ZFP1: variants seen among roughly 807,000 people sequenced by gnomAD.
ZFP1 encodes ZFP1 zinc finger protein.
Under a neutral mutation model 38.5 loss-of-function variants are expected in ZFP1, and 32 were observed. The ratio of observed to expected loss-of-function variants is 0.83; its 90% CI spans 0.63 to 1.12. ZFP1 has a LOEUF of 1.12. Among genes scored for constraint, ZFP1 ranks in the 50% most tolerant of loss-of-function variants. The probability of loss-of-function intolerance (pLI) is 0.00; values close to 1 mark genes in which losing one functional copy is unlikely to be tolerated. For synonymous variants in ZFP1, 245 were observed against 168.8 expected, an observed-to-expected ratio of 1.45 and a Z score of -3.50; for missense variants, 616 against 480.8, an observed-to-expected ratio of 1.28 and a Z score of -2.63.
At chr16:75,123,455 G>GTGTA in the ZFP1 span, among the ~76,000 whole-genome samples, 12 of 87,292 alleles carry the variant, frequency 1.4e-4, no homozygotes, top group Non-Finnish European at 1.5e-4. Context: ...GTGTGTATAT[G>GTGTA]TATATATATA....
intron 1 of ZFP1, among the ~76,000 whole-genome samples, chr16:75,150,926 C>T (rs1418051784): frequency 6.6e-6 from 1 of 152,180 alleles, no homozygotes; most frequent in Non-Finnish European, 1.5e-5. Context: ...TTTGCCTCAG[C>T]CTCCCGAGTA....
the ZFP1 span, among the ~76,000 whole-genome samples, chr16:75,136,348 T>C: frequency 2.6e-5 from 4 of 152,324 alleles, no homozygotes; most frequent in Non-Finnish European, 4.4e-5. Context: ...AGTTGTTTTT[T>C]GCAGGGATAC....
rs994746264 is a variant in ZFP1 at position 75,170,568 on chromosome 16, T to G, written c.*234T>G. The G allele has an allele frequency of 1.2e-5, 6 of 493,878 alleles. No individual in the cohort carries two copies. Among genetic ancestry groups the G allele is most frequent in the African/African-American group, 3.9e-5 (2 of 51,654 alleles). The allele number at this position is 493,878 out of a possible 1,614,324, so 30.6% of individuals were successfully genotyped here. A position where few individuals can be genotyped will look rare whatever the true frequency, so the allele number is the denominator to read the frequency against. ...AGTTGTAAATAGCCATACCCAGTTGTACTACAATGAGCTTTTTAAAATCTT... is the reference window on the plus strand; with the variant it reads ...AGTTGTAAATAGCCATACCCAGTTGGACTACAATGAGCTTTTTAAAATCTT... On this transcript the variant is annotated 3_prime_UTR_variant, in exon 4 of 4. Transcript: ENST00000570010.
chr16:75,123,268 C>A, the ZFP1 span, among the ~76,000 whole-genome samples: 1 of 151,076 alleles, frequency 6.6e-6, no homozygotes, highest in Non-Finnish European at 1.5e-5. Context: ...GCAGGAGAAT[C>A]ACTTGAACCC....
intron 2 of ZFP1, among the ~76,000 whole-genome samples, chr16:75,162,344 G>T (rs903210230): frequency 7.9e-5 from 12 of 151,602 alleles, no homozygotes; most frequent in African/African-American, 2.9e-4. Context: ...GACTGGTCTT[G>T]AACTCCTGAC....
the ZFP1 span, chr16:75,132,639 T>C: frequency 2.1e-5 from 3 of 145,754 alleles, no homozygotes; most frequent in Non-Finnish European, 4.5e-5. Context: ...CAATTGTCTA[T>C]TTCATTTCAT....
the ZFP1 span, among the ~76,000 whole-genome samples, chr16:75,123,138 G>A: frequency 2.6e-5 from 4 of 151,838 alleles, no homozygotes; most frequent in Admixed American, 2.0e-4. Flanking sequence ...TGGATCACGT[G>A]AGGTCAGAAG....
At chr16:75,146,467 G>T (rs1048128330), upstream of ZFP1, among the ~76,000 whole-genome samples, 1 of 151,038 alleles carries the variant, frequency 6.6e-6, no homozygotes, top group Admixed American at 6.6e-5. Flanking sequence ...GCACCCGGCC[G>T]CAACCATACG....
At chr16:75,157,700 T>C (rs2037538992) in intron 2 of ZFP1, among the ~76,000 whole-genome samples, 1 of 152,206 alleles carries the variant, frequency 6.6e-6, no homozygotes, top group Non-Finnish European at 1.5e-5. Flanking sequence ...GTCTTCCTGA[T>C]GGACTTATCC....
At chr16:75,165,171 T>C (rs2038000307) in intron 2 of ZFP1, among the ~76,000 whole-genome samples, 1 of 152,126 alleles carries the variant, frequency 6.6e-6, no homozygotes. Context: ...ATGCCTGTTT[T>C]TGTGGTATGA....
intron 2 of ZFP1, among the ~76,000 whole-genome samples, chr16:75,160,407 C>G (rs2037705320): frequency 6.6e-6 from 1 of 151,944 alleles, no homozygotes. Context: ...GTACTAAACC[C>G]CATCTGTACT....
At chr16:75,124,878 T>TTG in the ZFP1 span, among the ~76,000 whole-genome samples, 1 of 150,642 alleles carries the variant, frequency 6.6e-6, no homozygotes, top group Non-Finnish European at 1.5e-5. Context: ...TTTTTTTTTT[T>TTG]GGTAAGAAAG....
At chr16:75,139,368 C>CAAAAAAAA in the ZFP1 span, among the ~76,000 whole-genome samples, 3 of 42,774 alleles carry the variant, frequency 7.0e-5, 1 homozygote, top group Non-Finnish European at 1.1e-4. Context: ...GACTCCATCT[C>CAAAAAAAA]AAAAAAAAAA....
At chr16:75,156,121 G>A (rs1377567039) in intron 2 of ZFP1, among the ~76,000 whole-genome samples, 1 of 152,174 alleles carries the variant, frequency 6.6e-6, no homozygotes, top group African/African-American at 2.4e-5. Context: ...GCAACACCAA[G>A]CAAATTTAGC....
In ZFP1 at chr16:75,169,715, A is replaced by G; in HGVS notation, c.605A>G (p.His202Arg). The change falls in exon 4 of 4, where the codon CAT (histidine) becomes CGT (arginine). Residue 202 changes from histidine to arginine, a missense_variant. Coordinates refer to ENST00000570010, the MANE Select transcript of ZFP1 (RefSeq NM_153688.4). ...TCCTTTAAGTCACTCCTCATTAGTCATAAGAGAATACATACTGGAGAAAAG... is the reference window on the plus strand; with the variant it reads ...TCCTTTAAGTCACTCCTCATTAGTCGTAAGAGAATACATACTGGAGAAAAG... Reference protein sequence around the residue: ...AFSFKSLLISHKRIHTGEKPY... With the variant: ...AFSFKSLLISRKRIHTGEKPY... 3.1e-6 allele frequency: 5 copies of G among 1,613,234 alleles called. No homozygotes were observed. Among genetic ancestry groups the G allele is most frequent in the Non-Finnish European group, 4.2e-6 (5 of 1,179,590 alleles).
chr16:75,134,635 C>G, the ZFP1 span, among the ~76,000 whole-genome samples: 1 of 151,868 alleles, frequency 6.6e-6, no homozygotes, highest in Non-Finnish European at 1.5e-5. Context: ...ACCTGTAGTC[C>G]CAGCTACTCA....
chr16:75,123,264 G>C, the ZFP1 span, among the ~76,000 whole-genome samples: 2 of 151,286 alleles, frequency 1.3e-5, no homozygotes, highest in Non-Finnish European at 2.9e-5. Flanking sequence ...TGAGGCAGGA[G>C]AATCACTTGA....
the ZFP1 span, among the ~76,000 whole-genome samples, chr16:75,138,980 C>T: frequency 3.3e-4 from 50 of 152,238 alleles, no homozygotes; most frequent in African/African-American, 1.2e-3. Flanking sequence ...TCTTCCTCCC[C>T]AAAACCCACA....
intron 1 of ZFP1, among the ~76,000 whole-genome samples, chr16:75,151,821 A>G (rs1157412952): frequency 6.6e-6 from 1 of 151,372 alleles, no homozygotes; most frequent in Non-Finnish European, 1.5e-5. Context: ...GTCTGATATC[A>G]TATTTCTTCT....
Sources: allele counts gnomAD v4.1 joint callset (sites outside exome capture counted in the v4.1 genomes callset), GRCh38; gene constraint gnomAD v4.1.1; transcripts MANE v1.5; gene names NCBI Gene and HGNC (gene_info 2026-07-23, HGNC 2026-07-21).